TMPRSS9: variants seen among roughly 807,000 people sequenced by gnomAD.
TMPRSS9 encodes the protein transmembrane protease serine 9.
Under a neutral mutation model 111.4 loss-of-function variants are expected in TMPRSS9, and 113 were observed. That is an observed-to-expected ratio of 1.01 (90% CI 0.87 to 1.19). TMPRSS9 has a LOEUF of 1.19. TMPRSS9 is among the 50% of genes most tolerant of loss of function. The probability of loss-of-function intolerance (pLI) is 0.00; values close to 1 mark genes in which losing one functional copy is unlikely to be tolerated. For missense variants in TMPRSS9, 1,803 were observed against 1,513.1 expected (o/e 1.19, Z -3.18); for synonymous variants, 805 against 659.1 (o/e 1.22, Z -3.39).
In TMPRSS9 at chr19:2,365,982, AT is replaced by A. The variant is rs1352224465; in HGVS notation, c.-26+5626del. ...CTGTCTCAAAATAAATAAATAAATA[AT>A]TTTAAAAAAGAGATGGAGAAAGAGA... On this transcript the variant is annotated intron_variant, in intron 1 of 17. Transcript: ENST00000649857. 2.6e-5 allele frequency among the ~76,000 whole-genome samples: 4 copies of A among 151,374 alleles called. No homozygotes were observed. In the East Asian group the frequency reaches 5.9e-4, roughly 22 times the overall value.
chr19:2,413,689 T>C lies in TMPRSS9; in HGVS notation c.1255-11T>C. 6.3e-7 allele frequency: 1 copy of C among 1,593,460 alleles called. No homozygotes were observed. Among genetic ancestry groups the C allele is most frequent in the South Asian group, 1.1e-5 (1 of 90,486 alleles). On this transcript the variant is annotated splice_polypyrimidine_tract_variant and intron_variant, in intron 9 of 17. Coordinates refer to ENST00000648592, the Ensembl canonical transcript of TMPRSS9. Reference sequence around the variant, plus strand: ...GCCGACCCATCCTGAGGGTGTGTGTTGGTTTCCTAGGGTGACTCAGGAGGA... The same window carrying C: ...GCCGACCCATCCTGAGGGTGTGTGTCGGTTTCCTAGGGTGACTCAGGAGGA...
At chr19:2,370,205 C>A (rs1970277599) in intron 1 of TMPRSS9, among the ~76,000 whole-genome samples, 1 of 150,524 alleles carries the variant, frequency 6.6e-6, no homozygotes. Context: ...GACTTCATTT[C>A]AAAAAAATAT....
At chr19:2,372,740 T>G (rs1054910455) in intron 1 of TMPRSS9, among the ~76,000 whole-genome samples, 2 of 152,126 alleles carry the variant, frequency 1.3e-5, no homozygotes, top group Admixed American at 1.3e-4. Context: ...TTTGGCTGAC[T>G]TATTTTTTTT....
rs146863718 is a variant in TMPRSS9 at position 2,399,067 on chromosome 19, C to A, written c.388C>A (p.Arg130=). ...ACATTTCCAGCTGCACTTTCTGCTG[C>A]GACCCCTCCAGACGCTGAGCCTGGG... The change falls in exon 4 of 18, where the codon CGA becomes AGA. Residue 130 remains arginine, a synonymous_variant. Coordinates refer to ENST00000648592, the Ensembl canonical transcript of TMPRSS9. 3 of 1,613,280 alleles carry A rather than the reference C, an allele frequency of 1.9e-6. No homozygotes were observed. The African/African-American group carries it at 4.0e-5, about 22-fold the overall frequency.
chr19:2,425,293 T>C (rs1400043954), intron 16 of TMPRSS9, 26 bp downstream of exon 17: 37 of 1,223,386 alleles, frequency 3.0e-5, no homozygotes, highest in Non-Finnish European at 3.8e-5. Flanking sequence ...GCCGCGGTGG[T>C]GCGGGGCTCG....
chr19:2,402,603 TG>T (rs1183208344), intron 5 of TMPRSS9, among the ~76,000 whole-genome samples: 4 of 151,978 alleles, frequency 2.6e-5, no homozygotes, highest in African/African-American at 9.7e-5. Flanking sequence ...CCAGGCGTGG[TG>T]GGGCGTGCCT....
intron 6 of TMPRSS9, among the ~76,000 whole-genome samples, chr19:2,404,067 C>T (rs1176998078): frequency 6.6e-6 from 1 of 151,214 alleles, no homozygotes; most frequent in Non-Finnish European, 1.5e-5. Flanking sequence ...ACTCAGGAGG[C>T]TGAGGTGGAA....
intron 1 of TMPRSS9, among the ~76,000 whole-genome samples, chr19:2,374,324 G>A (rs758016341): frequency 2.3e-5 from 3 of 130,158 alleles, no homozygotes; most frequent in South Asian, 2.7e-4. Context: ...TGTAATCCCC[G>A]CACTTTGGGA....
chr19:2,387,796 C>G (rs1323006295), upstream of TMPRSS9, among the ~76,000 whole-genome samples: 1 of 151,902 alleles, frequency 6.6e-6, no homozygotes, highest in Non-Finnish European at 1.5e-5. Context: ...GTCAGGAGCA[C>G]TTTGGGTTTT....
chr19:2,361,355 G>T (rs1313590340), intron 1 of TMPRSS9, among the ~76,000 whole-genome samples: 1 of 135,998 alleles, frequency 7.4e-6, no homozygotes, highest in African/African-American at 2.8e-5. Context: ...GGGGTGGGAG[G>T]TGAGTCTGGG....
chr19:2,401,961 C>T lies in TMPRSS9; in HGVS notation c.515-14C>T, dbSNP rs776027625. The T allele has an allele frequency of 1.2e-6, 2 of 1,606,544 alleles. No individual in the cohort carries two copies. Among genetic ancestry groups the T allele is most frequent in the Admixed American group, 1.7e-5 (1 of 59,618 alleles). ...CTTATTCAGTGAGCTTCTATCTTCTCTGTTTTGTTGCAGGGAGACATAAGG... is the reference window on the plus strand; with the variant it reads ...CTTATTCAGTGAGCTTCTATCTTCTTTGTTTTGTTGCAGGGAGACATAAGG... On this transcript the variant is annotated splice_polypyrimidine_tract_variant and intron_variant, in intron 4 of 17. Transcript: ENST00000648592.
intron 8 of TMPRSS9, among the ~76,000 whole-genome samples, chr19:2,409,011 TA>T (rs1435629927): frequency 2.2e-5 from 3 of 139,110 alleles, no homozygotes; most frequent in Non-Finnish European, 3.1e-5. Flanking sequence ...ATAATAATAA[TA>T]ATAATAATAA....
intron 13 of TMPRSS9, 128 bp downstream of exon 14, chr19:2,418,266 G>GTCCTTCCCTCCTTTCCTTCCCTCCC (rs1971303852): frequency 1.5e-6 from 1 of 654,140 alleles, no homozygotes; most frequent in African/African-American, 5.6e-5. Flanking sequence ...TTCCCTCCTT[G>GTCCTTCCCTCCTTTCCTTCCCTCCC]TCCTTCCCTC....
intron 1 of TMPRSS9, among the ~76,000 whole-genome samples, chr19:2,379,632 T>TCTTTCTTTCTTTCTTTCTTTCTTC (rs1568170776): frequency 7.0e-6 from 1 of 143,594 alleles, no homozygotes; most frequent in Non-Finnish European, 1.5e-5. Context: ...TTTCTTTCTT[T>TCTTTCTTTCTTTCTTTCTTTCTTC]CTTTCTTTCT....
chr19:2,362,358 G>A (rs1460732578), intron 1 of TMPRSS9, among the ~76,000 whole-genome samples: 1 of 151,584 alleles, frequency 6.6e-6, no homozygotes, highest in Non-Finnish European at 1.5e-5. Flanking sequence ...GAGATTGTGT[G>A]ACTGTGCAGC....
At chr19:2,400,417 C>G (rs1011936707) in intron 4 of TMPRSS9, among the ~76,000 whole-genome samples, 3 of 152,076 alleles carry the variant, frequency 2.0e-5, no homozygotes, top group Non-Finnish European at 2.9e-5. Context: ...TGGCACGTGC[C>G]TGTAATCCCA....
chr19:2,367,012 G>C (rs917906115), intron 1 of TMPRSS9, among the ~76,000 whole-genome samples: 6 of 152,120 alleles, frequency 3.9e-5, no homozygotes, highest in Non-Finnish European at 8.8e-5. Context: ...TGCTGCTCGA[G>C]CATCCTGACA....
chr19:2,418,334 T>TCCCTCCCTCCCTCCCTTC (rs1971322228), intron 13 of TMPRSS9, among the ~76,000 whole-genome samples, 196 bp downstream of exon 14: 2 of 46,596 alleles, frequency 4.3e-5, no homozygotes, highest in Non-Finnish European at 7.5e-5. Context: ...TCCCTCCCTT[T>TCCCTCCCTCCCTCCCTTC]CCTTCCCTCC....
intron 12 of TMPRSS9, among the ~76,000 whole-genome samples, chr19:2,417,647 CA>C (rs938964779): frequency 1.3e-4 from 20 of 151,994 alleles, no homozygotes; most frequent in Non-Finnish European, 2.1e-4. Context: ...GACCCTGTCT[CA>C]AAAAACAAAA....
Sources: gnomAD v4.1 joint callset for allele counts (sites outside exome capture counted in the v4.1 genomes callset) on GRCh38, gnomAD v4.1.1 for gene constraint, MANE v1.5 for transcripts, NCBI Gene and HGNC (gene_info 2026-07-23, HGNC 2026-07-21) for gene names.